Variants in FBXO15 observed in about 807,000 individuals in gnomAD.
The protein encoded by FBXO15 is F-box only protein 15.
Under a neutral mutation model 49.5 loss-of-function variants are expected in FBXO15, and 30 were observed. The ratio of observed to expected loss-of-function variants is 0.61; its 90% confidence interval spans 0.45 to 0.82. The LOEUF is 0.82. FBXO15 is among the 40% of genes least tolerant of loss of function. The pLI is 0.00. For synonymous variants in FBXO15, 250 were observed against 232.7 expected (o/e 1.07, Z -0.68); for missense variants, 591 against 631.5 (o/e 0.94, Z 0.69).
chr18:74,139,062 C>T (rs562072540), intron 2 of FBXO15, among the ~76,000 whole-genome samples: 1 of 152,304 alleles, frequency 6.6e-6, no homozygotes, highest in East Asian at 1.9e-4. Flanking sequence ...CACCACCACA[C>T]CTCTGGTCTC....
chr18:74,094,297 T>C (rs972292553), intron 8 of FBXO15, among the ~76,000 whole-genome samples: 1 of 152,196 alleles, frequency 6.6e-6, no homozygotes, highest in African/African-American at 2.4e-5. Flanking sequence ...ATTCTTATGA[T>C]AGTGAGTGAA....
chr18:74,075,632 A>G lies in FBXO15; in HGVS notation c.1264-1902T>C, dbSNP rs377112472. Among the ~76,000 whole-genome samples, 1 of 152,156 alleles carries G rather than the reference A, an allele frequency of 6.6e-6. No homozygotes were observed. Among genetic ancestry groups the G allele is most frequent in the East Asian group, 1.9e-4 (1 of 5,186 alleles). On this transcript the variant is annotated intron_variant, in intron 9 of 9. Coordinates refer to ENST00000419743, the MANE Select transcript of FBXO15 (RefSeq NM_001142958.2). This position sits in a 1 kb window ranked among gnomAD's most constrained non-coding sequence, Gnocchi z 4.1. Reference sequence around the variant, plus strand: ...CACTCTGGCCTGGTATCCTTTTTCCATCATCTGACCGAACATCTCTTGATA... The same window carrying G: ...CACTCTGGCCTGGTATCCTTTTTCCGTCATCTGACCGAACATCTCTTGATA...
intron 8 of FBXO15, among the ~76,000 whole-genome samples, chr18:74,113,168 C>T (rs561109034): frequency 6.6e-6 from 1 of 152,230 alleles, no homozygotes; most frequent in African/African-American, 2.4e-5. Context: ...AACATAAATG[C>T]TTATTACTAA....
intron 8 of FBXO15, among the ~76,000 whole-genome samples, chr18:74,085,708 G>A (rs560882961): frequency 1.8e-4 from 27 of 152,300 alleles, no homozygotes; most frequent in Admixed American, 1.3e-3. Flanking sequence ...GATTTGATGA[G>A]CAAAGAAAGT....
rs1912224875 is a variant in FBXO15 at position 74,075,571 on chromosome 18, T to C, written c.1264-1841A>G. Among the ~76,000 whole-genome samples, 1 of 152,236 alleles carries C rather than the reference T, an allele frequency of 6.6e-6. No homozygotes were observed. The highest frequency in any genetic ancestry group is 1.9e-4 in the East Asian group (1 of 5,188). On this transcript the variant is annotated intron_variant, in intron 9 of 9. Coordinates refer to ENST00000419743, the MANE Select transcript of FBXO15 (RefSeq NM_001142958.2). This position sits in a 1 kb window ranked among gnomAD's most constrained non-coding sequence, Gnocchi z 4.1. ...ACCCTCTCCAAAGAGCTGTCTCCGC[T>C]GGATTTGTCCATTAATACCCATTCA...
Position 74,147,827 on chromosome 18 carries a change from C to A in FBXO15, c.-42G>T. The A allele has an allele frequency of 6.8e-7, 1 of 1,473,208 alleles. No homozygotes were observed. Among genetic ancestry groups the A allele is most frequent in the Admixed American group, 2.4e-5 (1 of 42,436 alleles). 91.3% of individuals were successfully genotyped at this position (1,473,208 alleles called of 1,614,324 possible). ...CCACAGGACCGCGCCAGGGCTGAAA[C>A]GAAGAGTGCACGCACCGCCCCCACG... is the stretch of plus-strand genomic sequence containing the variant. On this transcript the variant is annotated 5_prime_UTR_variant, in exon 1 of 10. Coordinates refer to ENST00000419743, the MANE Select transcript of FBXO15 (RefSeq NM_001142958.2).
chr18:74,086,702 G>A (rs973391032), intron 8 of FBXO15, among the ~76,000 whole-genome samples: 10 of 152,146 alleles, frequency 6.6e-5, no homozygotes, highest in African/African-American at 2.2e-4. Context: ...GAGCCACCAT[G>A]CCCAGCCAGC....
chr18:74,093,263 T>TGAGCGG (rs35120126), intron 8 of FBXO15, among the ~76,000 whole-genome samples: 11 of 123,602 alleles, frequency 8.9e-5, no homozygotes, highest in African/African-American at 3.5e-4. Context: ...GGCAAAACAA[T>TGAGCGG]GGGGGGGGGG....
intron 5 of FBXO15, 89 bp downstream of exon 5, chr18:74,129,313 CGCT>C: frequency 1.8e-6 from 2 of 1,089,636 alleles, no homozygotes; most frequent in Non-Finnish European, 2.6e-6. Flanking sequence ...AATTAAAAAA[CGCT>C]GCTCTTATTT....
At chr18:74,125,240 C>A (rs773402228) in intron 6 of FBXO15, among the ~76,000 whole-genome samples, 2 of 152,124 alleles carry the variant, frequency 1.3e-5, no homozygotes, top group African/African-American at 4.8e-5. Context: ...TGCGAGTCAC[C>A]GAATGCAGAG....
In FBXO15 at chr18:74,130,634, T is replaced by G; in HGVS notation, c.357A>C (p.Ser119=). 6.2e-7 allele frequency: 1 copy of G among 1,613,820 alleles called. No individual in the cohort carries two copies. Among genetic ancestry groups the G allele is most frequent in the Non-Finnish European group, 8.5e-7 (1 of 1,179,888 alleles). Residue 119 remains serine (S), a synonymous_variant, in exon 4 of 10, where the codon TCA becomes TCC. Coordinates refer to ENST00000419743, the MANE Select transcript of FBXO15 (RefSeq NM_001142958.2). ...TTGATCTTGCAGGTGAAAAAGCAGT[T>G]GAGTAGATTCCGATCCAAATAAAAC... The part of the protein sequence containing the change: ...NDNFIWIGIY[S]TAFSPARSNW...
chr18:74,078,861 G>A (rs1912370386), intron 9 of FBXO15, among the ~76,000 whole-genome samples: 1 of 152,156 alleles, frequency 6.6e-6, no homozygotes, highest in African/African-American at 2.4e-5. Context: ...TCGCACGTGT[G>A]GGACTGTTCT....
intron 3 of FBXO15, among the ~76,000 whole-genome samples, chr18:74,134,965 G>A (rs1378351375): frequency 6.6e-6 from 1 of 152,136 alleles, no homozygotes; most frequent in Non-Finnish European, 1.5e-5. Context: ...TTCTATGTAG[G>A]AATGATGTTT....
chr18:74,109,642 T>G (rs909678682), intron 8 of FBXO15, among the ~76,000 whole-genome samples: 2 of 152,270 alleles, frequency 1.3e-5, no homozygotes, highest in South Asian at 2.1e-4. Flanking sequence ...TGGAATACTA[T>G]GCAGCCATAA....
chr18:74,120,350 A>G (rs1914421413), intron 8 of FBXO15, among the ~76,000 whole-genome samples: 1 of 152,162 alleles, frequency 6.6e-6, no homozygotes, highest in Non-Finnish European at 1.5e-5. Context: ...CGAACACTCT[A>G]CTCAACAACA....
At chr18:74,100,308 T>C (rs915801362) in intron 8 of FBXO15, among the ~76,000 whole-genome samples, 1 of 152,202 alleles carries the variant, frequency 6.6e-6, no homozygotes, top group Non-Finnish European at 1.5e-5. Flanking sequence ...AACCTGCTCC[T>C]GAGTGAGCAC....
At chr18:74,098,161 C>T (rs1255235995) in intron 8 of FBXO15, 2 of 152,252 alleles carry the variant, frequency 1.3e-5, no homozygotes, top group East Asian at 1.9e-4. Flanking sequence ...CATAGCCTAC[C>T]CAAATGAGAA....
chr18:74,093,576 T>C lies in FBXO15; in HGVS notation c.1139-11525A>G, dbSNP rs975018980. Among the ~76,000 whole-genome samples the C allele has an allele frequency of 3.3e-5, 5 of 152,304 alleles. 1 individual carries two copies. The highest frequency in any genetic ancestry group is 6.8e-3 in the Middle Eastern group (2 of 294). ...CCCTGCTCCATTCAAGAAACCACTT[T>C]CCCTGCTCATCTGTAAGAAGCAACT... On this transcript the variant is annotated intron_variant, in intron 8 of 9. Transcript: ENST00000419743.
At chr18:74,092,517 A>G (rs778424065) in intron 8 of FBXO15, among the ~76,000 whole-genome samples, 146 of 152,042 alleles carry the variant, frequency 9.6e-4, no homozygotes, top group Non-Finnish European at 1.3e-3. Flanking sequence ...TGTTTCTTCA[A>G]TCTTCGAAGT....
Sources: gnomAD v4.1 joint callset for allele counts (sites outside exome capture counted in the v4.1 genomes callset) on GRCh38, gnomAD v4.1.1 for gene constraint, Gnocchi (gnomAD v3.1) non-coding constraint, MANE v1.5 for transcripts, NCBI Gene and HGNC (gene_info 2026-07-23, HGNC 2026-07-21) for gene names.